The following CCDC91 variants were observed in gnomAD, a reference collection of about 807,000 sequenced individuals.
The protein encoded by CCDC91 is coiled-coil domain-containing protein 91.
CCDC91 carries 48 observed loss-of-function variants against 63.2 expected under a neutral mutation model. The ratio of observed to expected loss-of-function variants is 0.76; its 90% confidence interval spans 0.60 to 0.97. The LOEUF is 0.97. Ranked by LOEUF, CCDC91 falls within the 50% of genes least tolerant of loss-of-function variation. The pLI, the probability that CCDC91 is intolerant of heterozygous loss-of-function variation, is 0.00. For synonymous variants in CCDC91, 167 were observed against 165.8 expected (o/e 1.01, Z -0.06); for missense variants, 500 against 494.6 (o/e 1.01, Z -0.10).
At chr12:28,434,664 G>A (rs1189573418) in intron 8 of CCDC91, among the ~76,000 whole-genome samples, 1 of 123,626 alleles carries the variant, frequency 8.1e-6, no homozygotes, top group African/African-American at 3.1e-5. Flanking sequence ...ACATTAGAAA[G>A]TATTCCCTCT....
intron 6 of CCDC91, among the ~76,000 whole-genome samples, chr12:28,335,198 AAT>A (rs904290304): frequency 3.6e-5 from 5 of 138,276 alleles, no homozygotes; most frequent in African/African-American, 1.1e-4. Context: ...TATATTTATA[AAT>A]ATATATTCAT....
chr12:28,415,224 C>T lies in CCDC91; in HGVS notation c.762+23813C>T, dbSNP rs572156461. Among the ~76,000 whole-genome samples, 8 of 130,520 alleles carry T rather than the reference C, an allele frequency of 6.1e-5. No homozygotes were observed. The South Asian group carries it at 1.3e-3, about 21-fold the overall frequency. The allele number at this position is 130,520 out of a possible 152,430, so 85.6% of individuals were successfully genotyped here. On this transcript the variant is annotated intron_variant, in intron 8 of 12. Coordinates refer to ENST00000536442, the MANE Select transcript of CCDC91 (RefSeq NM_018318.5). ...TGTGAAATGTTATTTGTTTGTAAAG[C>T]GGATTTTTTTTTTTTTGAGATGGAG... is the stretch of plus-strand genomic sequence containing the variant.
At chr12:28,328,247 T>G (rs1432873464) in intron 6 of CCDC91, among the ~76,000 whole-genome samples, 2 of 152,192 alleles carry the variant, frequency 1.3e-5, no homozygotes, top group Non-Finnish European at 2.9e-5. Context: ...TAGCTTTGGT[T>G]GTTGTTTTCT....
At chr12:28,220,918 TC>T (rs1409556382) in intron 1 of CCDC91, among the ~76,000 whole-genome samples, 2 of 152,088 alleles carry the variant, frequency 1.3e-5, no homozygotes, top group Admixed American at 6.5e-5. Context: ...TAGTATGATT[TC>T]TTTATGTTTG....
intron 1 of CCDC91, among the ~76,000 whole-genome samples, chr12:28,237,235 T>TACACACAC (rs58134900): frequency 0.099 from 14,118 of 142,974 alleles, 808 homozygotes; most frequent in Admixed American, 0.17. Context: ...GTATTACACA[T>TACACACAC]ACACACACAC....
rs189200880 is a variant in CCDC91, at chr12:28,454,822, G to C, written c.1101+2168G>C. On this transcript the variant is annotated intron_variant, in intron 11 of 12. Transcript: ENST00000536442. ...GGGATAGGGATTGTGGTGAGAGTTAGGTCTTGAGTTTTCCTACCAGTTTCA... is the reference window on the plus strand; with the variant it reads ...GGGATAGGGATTGTGGTGAGAGTTACGTCTTGAGTTTTCCTACCAGTTTCA... Among the ~76,000 whole-genome samples, 406 of 152,108 alleles carry C rather than the reference G, an allele frequency of 2.7e-3. 2 individuals carry two copies. Among genetic ancestry groups the C allele is most frequent in the African/African-American group, 7.1e-3 (294 of 41,514 alleles).
intron 8 of CCDC91, among the ~76,000 whole-genome samples, chr12:28,425,329 G>A (rs1229399167): frequency 2.6e-5 from 4 of 151,986 alleles, no homozygotes; most frequent in African/African-American, 9.7e-5. Context: ...GAAGAAGGAG[G>A]GGAAAACCTT....
chr12:28,485,155 C>CTT (rs879488963), intron 12 of CCDC91, among the ~76,000 whole-genome samples: 2 of 143,522 alleles, frequency 1.4e-5, no homozygotes, highest in African/African-American at 2.6e-5. Context: ...TAGTCCTATA[C>CTT]TTTTTTTTTT....
chr12:28,286,764 T>C (rs989791077), intron 3 of CCDC91, among the ~76,000 whole-genome samples: 1 of 152,202 alleles, frequency 6.6e-6, no homozygotes, highest in Non-Finnish European at 1.5e-5. Context: ...GTAGTTTGTT[T>C]TTAGTTCTTT....
intron 3 of CCDC91, among the ~76,000 whole-genome samples, chr12:28,264,566 C>CAT (rs71899030): frequency 3.1e-5 from 4 of 129,368 alleles, no homozygotes; most frequent in African/African-American, 1.2e-4. Context: ...AATATAGGCA[C>CAT]ATATATATAT....
At chr12:28,200,855 G>T (rs1230942059) in intron 1 of CCDC91, among the ~76,000 whole-genome samples, 1 of 151,428 alleles carries the variant, frequency 6.6e-6, no homozygotes, top group African/African-American at 2.4e-5. Context: ...GGGCGGCTGG[G>T]CAGAGGCGCC....
chr12:28,195,196 T>C lies in CCDC91; in HGVS notation c.-15+4555T>C, dbSNP rs368916378. 1.4e-3 allele frequency among the ~76,000 whole-genome samples: 217 copies of C among 150,668 alleles called. 2 individuals carry two copies. The highest frequency in any genetic ancestry group is 0.01 in the Middle Eastern group (3 of 290). ...TTGGTCCGTTTTGCCAGAGTGTTGATTGGTGCATTTACAAACCTTTAGCTA... is the reference window on the plus strand; with the variant it reads ...TTGGTCCGTTTTGCCAGAGTGTTGACTGGTGCATTTACAAACCTTTAGCTA... On this transcript the variant is annotated intron_variant, in intron 1 of 12. Transcript: ENST00000536442.
chr12:28,206,271 T>C (rs962011885), intron 1 of CCDC91, among the ~76,000 whole-genome samples: 9 of 152,084 alleles, frequency 5.9e-5, no homozygotes, highest in Non-Finnish European at 1.2e-4. Flanking sequence ...CAGGTGAGAG[T>C]GTGACCAAAA....
intron 11 of CCDC91, among the ~76,000 whole-genome samples, chr12:28,467,948 AG>A (rs753866295): frequency 8.5e-5 from 13 of 152,084 alleles, no homozygotes; most frequent in South Asian, 2.1e-4. Flanking sequence ...CAGCAAAAGC[AG>A]TACTAAGAGT....
At chr12:28,440,860 A>G (rs1592681593) in intron 8 of CCDC91, among the ~76,000 whole-genome samples, 1 of 151,948 alleles carries the variant, frequency 6.6e-6, no homozygotes, top group African/African-American at 2.4e-5. Context: ...GGAGTTCAAG[A>G]CCAGCCTGGG....
chr12:28,512,584 A>T (rs1269102811), intron 12 of CCDC91, among the ~76,000 whole-genome samples: 1 of 151,874 alleles, frequency 6.6e-6, no homozygotes, highest in Non-Finnish European at 1.5e-5. Context: ...CCATTTATTT[A>T]CGTATTATTT....
intron 1 of CCDC91, among the ~76,000 whole-genome samples, chr12:28,232,824 C>A (rs1359516188): frequency 6.6e-6 from 1 of 151,780 alleles, no homozygotes; most frequent in Non-Finnish European, 1.5e-5. Flanking sequence ...AATACCATTA[C>A]TCAAAAATTA....
chr12:28,461,941 C>T (rs1342490777), intron 11 of CCDC91, among the ~76,000 whole-genome samples: 1 of 151,980 alleles, frequency 6.6e-6, no homozygotes. Context: ...TAGTGCCATG[C>T]ATAATAAGCA....
Position 28,259,410 on chromosome 12 carries a change from CT to C in CCDC91, c.78del (p.Pro27LeufsTer55). The C allele has an allele frequency of 6.2e-7, 1 of 1,610,194 alleles. No individual in the cohort carries two copies. The highest frequency in any genetic ancestry group is 8.5e-7 in the Non-Finnish European group (1 of 1,177,732). ...GGAAGTGGTGAAACCCAAACAACAT[CT>C]CCTGCTATTCCTTGGGCTGCCTTTC... ...DGGSGETQTTSPAIPWAAFPA... is the reference protein window; with the variant it reads ...DGGSGETQTTXPAIPWAAFPA... On this transcript the variant is annotated frameshift_variant, in exon 3 of 13. Coordinates refer to ENST00000536442, the MANE Select transcript of CCDC91 (RefSeq NM_018318.5). LOFTEE classifies it high-confidence loss of function.
Sources: gnomAD v4.1 joint callset for allele counts (sites outside exome capture counted in the v4.1 genomes callset) on GRCh38, gnomAD v4.1.1 for gene constraint, MANE v1.5 for transcripts, NCBI Gene and HGNC (gene_info 2026-07-23, HGNC 2026-07-21) for gene names.